The following PLEKHB1 variants were observed in gnomAD, a reference collection of about 807,000 sequenced individuals.
PLEKHB1 encodes pleckstrin homology domain containing B1, also known as pleckstrin homology domain-containing family B member 1.
A neutral mutation model predicts 36.2 loss-of-function variants in PLEKHB1; 29 were observed. That is an observed-to-expected ratio of 0.80 (90% CI 0.60 to 1.09). The LOEUF (loss-of-function observed/expected upper bound fraction) is 1.09, where lower values mean the gene tolerates loss of function less well. PLEKHB1 is among the 50% of genes least tolerant of loss of function. PLEKHB1 has a pLI of 0.00. For missense variants in PLEKHB1, 330 were observed against 348.2 expected (o/e 0.95, Z 0.42); for synonymous variants, 138 against 140.0 (o/e 0.99, Z 0.10).
intron 5 of PLEKHB1, among the ~76,000 whole-genome samples, chr11:73,654,852 A>C (rs1013702055): frequency 1.3e-5 from 2 of 152,166 alleles, no homozygotes; most frequent in Non-Finnish European, 2.9e-5. Context: ...AGTTGGAAGA[A>C]ATGGACTTTC....
chr11:73,659,544 C>A (rs973455562), intron 6 of PLEKHB1, among the ~76,000 whole-genome samples: 1 of 152,230 alleles, frequency 6.6e-6, no homozygotes, highest in South Asian at 2.1e-4. Flanking sequence ...ACAAACAAAT[C>A]AGAGTCCTTG....
intron 6 of PLEKHB1, 114 bp from the exon 7 acceptor site, chr11:73,660,639 A>C: frequency 1.0e-6 from 1 of 996,360 alleles, no homozygotes; most frequent in Admixed American, 2.3e-5. Flanking sequence ...GCCCATTTCT[A>C]AACTTGGGGA....
chr11:73,650,637 AG>A lies in PLEKHB1; in HGVS notation c.181del (p.Asp61ThrfsTer15). 6.2e-7 allele frequency: 1 copy of A among 1,612,626 alleles called. No individual in the cohort carries two copies. The highest frequency in any genetic ancestry group is 8.5e-7 in the Non-Finnish European group (1 of 1,179,376). On this transcript the variant is annotated frameshift_variant, in exon 3 of 8. Coordinates refer to ENST00000354190, the MANE Select transcript of PLEKHB1 (RefSeq NM_021200.3). LOFTEE classifies it high-confidence loss of function. Reference sequence around the variant, plus strand: ...GGATACTACCACGATGAGACAGCGCAGGACGAGGAGGACCGTGTGCTCATCC... The same window carrying A: ...GGATACTACCACGATGAGACAGCGCAGACGAGGAGGACCGTGTGCTCATCC... ...TLGYYHDETA[Q>X]DEEDRVLIHF...
chr11:73,652,120 G>T (rs1944910087), intron 4 of PLEKHB1: 2 of 557,466 alleles, frequency 3.6e-6, no homozygotes, highest in South Asian at 4.2e-5. Context: ...TGCTGAGGGG[G>T]AGGTGTGCAC....
intron 3 of PLEKHB1, chr11:73,651,353 CAAAAAAAAA>C: frequency 2.8e-6 from 1 of 358,934 alleles, no homozygotes; most frequent in Non-Finnish European, 5.3e-6. Flanking sequence ...GACCCTGTCT[CAAAAAAAAA>C]AAAAAAAAGA....
chr11:73,661,141 C>T lies in PLEKHB1; in HGVS notation c.595+289C>T, dbSNP rs1353703842. Among the ~76,000 whole-genome samples the T allele has an allele frequency of 2.0e-5, 3 of 152,228 alleles. No homozygotes were observed. The highest frequency in any genetic ancestry group is 6.5e-5 in the Admixed American group (1 of 15,290). On this transcript the variant is annotated intron_variant, in intron 7 of 7. Transcript: ENST00000354190. The surrounding 1 kb of genome is among the most constrained non-coding windows in gnomAD (Gnocchi z 4.6). Reference sequence around the variant, plus strand: ...CTGGTGGCTACTGCGGGAATGCTGCCTCCTCCCCGCTCTGGGGCCTGGCGG... The same window carrying T: ...CTGGTGGCTACTGCGGGAATGCTGCTTCCTCCCCGCTCTGGGGCCTGGCGG...
chr11:73,647,473 C>A, intron 1 of PLEKHB1: 2 of 724,126 alleles, frequency 2.8e-6, no homozygotes, highest in Non-Finnish European at 3.4e-6. Context: ...AAATTGCAGG[C>A]GGGGCTGCTT....
intron 2 of PLEKHB1, 102 bp downstream of exon 2, chr11:73,649,189 C>G: frequency 7.1e-7 from 1 of 1,399,906 alleles, no homozygotes; most frequent in Non-Finnish European, 9.7e-7. Flanking sequence ...ACCTTTTCAT[C>G]CTTCCCTTGT....
At chr11:73,648,868 G>A (rs1028504094) in intron 1 of PLEKHB1, 144 bp from the exon 2 acceptor site, 19 of 1,416,108 alleles carry the variant, frequency 1.3e-5, no homozygotes, top group African/African-American at 5.8e-5. Context: ...GCAGAGAATG[G>A]GGAGGAGGCC....
At chr11:73,655,167 G>A (rs755170131) in intron 5 of PLEKHB1, among the ~76,000 whole-genome samples, 1 of 152,150 alleles carries the variant, frequency 6.6e-6, no homozygotes. Flanking sequence ...TCCATCTCCT[G>A]TGGCTCTGCT....
Position 73,646,623 on chromosome 11 carries a change from C to T in PLEKHB1, c.15C>T (p.Ala5=), listed in dbSNP as rs771034189. The T allele has an allele frequency of 2.6e-6, 4 of 1,551,488 alleles. No homozygotes were observed. In the South Asian group the frequency reaches 3.6e-5, roughly 14 times the overall value. ...ACCCAGGAACCATGAGCCCTGCAGC[C>T]CCGGTAAGGAAGAGTTCTCTGGGAC... MSPA[A]PVPPDSALES... The change falls in exon 1 of 8, where the codon GCC becomes GCT. Residue 5 remains alanine (A), a synonymous_variant. Coordinates refer to ENST00000354190, the MANE Select transcript of PLEKHB1 (RefSeq NM_021200.3).
chr11:73,653,822 T>C (rs1590795299), intron 5 of PLEKHB1, among the ~76,000 whole-genome samples: 1 of 151,852 alleles, frequency 6.6e-6, no homozygotes, highest in Non-Finnish European at 1.5e-5. Flanking sequence ...GGAAGGAGGG[T>C]TGGCACGACC....
chr11:73,654,834 C>T (rs1944961720), intron 5 of PLEKHB1, among the ~76,000 whole-genome samples: 1 of 152,168 alleles, frequency 6.6e-6, no homozygotes, highest in South Asian at 2.1e-4. Context: ...TGATGGGCCT[C>T]AAAGTCCAGT....
chr11:73,657,578 T>A (rs1945018767), intron 6 of PLEKHB1, among the ~76,000 whole-genome samples: 1 of 152,122 alleles, frequency 6.6e-6, no homozygotes. Flanking sequence ...GCCAGGTGAC[T>A]TATAGGAGTT....
At chr11:73,652,948 C>T (rs1372623277) in intron 4 of PLEKHB1, 27 bp from the exon 5 acceptor site, 5 of 1,595,356 alleles carry the variant, frequency 3.1e-6, no homozygotes, top group Non-Finnish European at 4.3e-6. Flanking sequence ...ACTCCCTCCT[C>T]ATGGTCTGGT....
chr11:73,653,017 G>A lies in PLEKHB1; in HGVS notation c.390+3G>A. On this transcript the variant is annotated splice_donor_region_variant and intron_variant, in intron 5 of 7. Transcript: ENST00000354190. ...TGCTGGAGGCAAACTCCACCCCGGT[G>A]AGTCTCCCGTTCTCTCCCCCTTTCC... 6.2e-7 allele frequency: 1 copy of A among 1,609,180 alleles called. No individual in the cohort carries two copies. Among genetic ancestry groups the A allele is most frequent in the Non-Finnish European group, 8.5e-7 (1 of 1,176,632 alleles).
chr11:73,647,535 C>G, intron 1 of PLEKHB1: 1 of 985,310 alleles, frequency 1.0e-6, no homozygotes, highest in Non-Finnish European at 1.2e-6. Context: ...CTCGGGTCAG[C>G]ATCTCTTCAC....
At chr11:73,651,736 G>C (rs1590791975) in intron 3 of PLEKHB1, 52 bp from the exon 4 acceptor site, 1 of 1,445,596 alleles carries the variant, frequency 6.9e-7, no homozygotes, top group African/African-American at 1.4e-5. Context: ...CTTTACTGGG[G>C]GGACCTGGGG....
intron 3 of PLEKHB1, 109 bp downstream of exon 3, chr11:73,650,814 C>G: frequency 7.8e-7 from 1 of 1,285,186 alleles, no homozygotes. Flanking sequence ...AGAGGCATTT[C>G]ACAGACATTG....
Sources: gnomAD v4.1 joint callset for allele counts (sites outside exome capture counted in the v4.1 genomes callset) on GRCh38, gnomAD v4.1.1 for gene constraint, Gnocchi (gnomAD v3.1) non-coding constraint, MANE v1.5 for transcripts, NCBI Gene and HGNC (gene_info 2026-07-23, HGNC 2026-07-21) for gene names.